The following PDE1A variants were observed in gnomAD, a reference collection of about 807,000 sequenced individuals.
The protein encoded by PDE1A is phosphodiesterase 1A.
In PDE1A, 35 loss-of-function variants were observed where a neutral mutation model predicts 61.7. The ratio of observed to expected loss-of-function variants is 0.57; its 90% CI spans 0.43 to 0.75. The LOEUF is 0.75. PDE1A is among the 30% of genes least tolerant of loss of function. PDE1A has a pLI of 0.00. For missense variants in PDE1A, 597 were observed against 630.6 expected (o/e 0.95, Z 0.57); for synonymous variants, 232 against 213.2 (o/e 1.09, Z -0.77).
intron 2 of PDE1A, among the ~76,000 whole-genome samples, chr2:182,487,736 T>G (rs1235533785): frequency 6.6e-6 from 1 of 152,126 alleles, no homozygotes; most frequent in African/African-American, 2.4e-5. Flanking sequence ...TCTAAAAATT[T>G]TTTGAAAATC....
chr2:182,407,857 T>C (rs1228413637), intron 1 of PDE1A, among the ~76,000 whole-genome samples: 2 of 152,150 alleles, frequency 1.3e-5, no homozygotes, highest in Non-Finnish European at 2.9e-5. Context: ...CAATGTTTCT[T>C]AAAGAATAAG....
Position 182,230,050 on chromosome 2 carries a change from C to T in PDE1A, c.631G>A (p.Val211Ile), listed in dbSNP as rs745706163. Residue 211 changes from valine (V) to isoleucine (I), a missense_variant, in exon 6 of 14, where the codon GTC becomes ATC. By Grantham distance (29) the Val-to-Ile change is conservative (BLOSUM62 3). Coordinates refer to ENST00000351439, the Ensembl canonical transcript of PDE1A. ...ATTATGTAATGCACAGTTTGAGTGA[C>T]ATCAGCTGCATGAATCAAATTGTGA... 3 of 1,612,830 alleles carry T rather than the reference C, an allele frequency of 1.9e-6. No individual in the cohort carries two copies. In the South Asian group the frequency reaches 3.3e-5, roughly 18 times the overall value.
chr2:182,579,724 CA>C, the PDE1A span, among the ~76,000 whole-genome samples: 100 of 142,096 alleles, frequency 7.0e-4, no homozygotes, highest in Admixed American at 1.8e-3. Flanking sequence ...ATGGTATGCC[CA>C]AAAAAAAAAG....
At chr2:182,679,904 G>A in the PDE1A span, among the ~76,000 whole-genome samples, 1 of 152,094 alleles carries the variant, frequency 6.6e-6, no homozygotes, top group East Asian at 1.9e-4. Flanking sequence ...GGTGGGTAGG[G>A]GGAAGATGGG....
chr2:182,574,024 A>C, the PDE1A span, among the ~76,000 whole-genome samples: 1 of 150,616 alleles, frequency 6.6e-6, no homozygotes, highest in Non-Finnish European at 1.5e-5. Flanking sequence ...ATTAAGTGTT[A>C]ACTTACAAGG....
intron 1 of PDE1A, 135 bp downstream of exon 1, chr2:182,426,443 T>C (rs1574630689): frequency 1.6e-6 from 1 of 622,250 alleles, no homozygotes; most frequent in Admixed American, 2.8e-5. Flanking sequence ...GCTCCCTCAG[T>C]ATGCCTGAAG....
chr2:182,155,924 G>A (rs1207318838), intron 13 of PDE1A, among the ~76,000 whole-genome samples: 4 of 152,016 alleles, frequency 2.6e-5, no homozygotes, highest in African/African-American at 4.8e-5. Context: ...GCTCAAGGGC[G>A]GGGCCAGGTG....
intron 2 of PDE1A, among the ~76,000 whole-genome samples, chr2:182,260,048 A>G (rs1273710376): frequency 6.6e-6 from 1 of 152,190 alleles, no homozygotes; most frequent in Non-Finnish European, 1.5e-5. Flanking sequence ...TATCTCCACT[A>G]AGAGTCAGAA....
At chr2:182,294,815 G>C (rs1020478325) in intron 1 of PDE1A, among the ~76,000 whole-genome samples, 1 of 152,036 alleles carries the variant, frequency 6.6e-6, no homozygotes, top group African/African-American at 2.4e-5. Context: ...AAAGACGAAA[G>C]GGTGTTTACA....
chr2:182,667,674 C>G, the PDE1A span, among the ~76,000 whole-genome samples: 3 of 152,088 alleles, frequency 2.0e-5, no homozygotes, highest in Admixed American at 6.5e-5. Context: ...TGTAAAGGAC[C>G]AGATTGTAAA....
At chr2:182,243,043 T>C (rs1302334163) in intron 2 of PDE1A, among the ~76,000 whole-genome samples, 1 of 151,982 alleles carries the variant, frequency 6.6e-6, no homozygotes, top group African/African-American at 2.4e-5. Context: ...TAAAATAGAA[T>C]ATAAAGACTC....
At chr2:182,169,938 A>ACACACACACTCCCC (rs1393866906) in intron 13 of PDE1A, among the ~76,000 whole-genome samples, 1 of 92,686 alleles carries the variant, frequency 1.1e-5, no homozygotes, top group African/African-American at 4.0e-5. Context: ...ACACACACAC[A>ACACACACACTCCCC]CTCTCCCTCT....
chr2:182,165,697 T>C (rs756203138), downstream of PDE1A, among the ~76,000 whole-genome samples: 5 of 152,074 alleles, frequency 3.3e-5, no homozygotes, highest in African/African-American at 4.8e-5. Flanking sequence ...CAATACAGAA[T>C]ACAGAATGGG....
the PDE1A span, among the ~76,000 whole-genome samples, chr2:182,628,344 T>C: frequency 2.2e-4 from 33 of 152,346 alleles, no homozygotes; most frequent in Middle Eastern, 6.8e-3. Context: ...AAGACAAATA[T>C]ATTTTCACAT....
the PDE1A span, among the ~76,000 whole-genome samples, chr2:182,712,181 C>G: frequency 3.7e-4 from 57 of 152,328 alleles, no homozygotes; most frequent in African/African-American, 1.3e-3. Flanking sequence ...CTATATTCTT[C>G]ACAAGTGTCA....
intron 1 of PDE1A, among the ~76,000 whole-genome samples, chr2:182,346,516 T>C (rs1326266520): frequency 6.6e-6 from 1 of 152,172 alleles, no homozygotes; most frequent in Non-Finnish European, 1.5e-5. Context: ...TATTGCATTA[T>C]TTTTCAAATC....
chr2:182,602,289 A>G, the PDE1A span, among the ~76,000 whole-genome samples: 1 of 152,204 alleles, frequency 6.6e-6, no homozygotes. Flanking sequence ...CAGGGCTCTC[A>G]CTGGCTCCAT....
intron 7 of PDE1A, among the ~76,000 whole-genome samples, chr2:182,211,274 T>C (rs1310134931): frequency 6.6e-6 from 1 of 152,218 alleles, no homozygotes; most frequent in Non-Finnish European, 1.5e-5. Flanking sequence ...GAAAAGATTA[T>C]TTTTGCTTCA....
intron 1 of PDE1A, among the ~76,000 whole-genome samples, chr2:182,377,291 C>A (rs1442713659): frequency 2.0e-5 from 3 of 152,078 alleles, no homozygotes; most frequent in Non-Finnish European, 4.4e-5. Flanking sequence ...AAGTGTGCAG[C>A]ACCTACACCC....
Sources: allele counts gnomAD v4.1 joint callset (sites outside exome capture counted in the v4.1 genomes callset), GRCh38; gene constraint gnomAD v4.1.1; transcripts MANE v1.5; gene names NCBI Gene and HGNC (gene_info 2026-07-23, HGNC 2026-07-21).